The following CSMD1 variants were observed in gnomAD, a reference collection of about 807,000 sequenced individuals.
CSMD1 encodes the protein CUB and sushi domain-containing protein 1.
CSMD1 carries 213 observed loss-of-function variants against 417.5 expected under a neutral mutation model. That is an observed-to-expected ratio of 0.51 (90% CI 0.46 to 0.57). The LOEUF (loss-of-function observed/expected upper bound fraction) is 0.57. Among genes scored for constraint, CSMD1 ranks in the 20% least tolerant of loss-of-function variants. CSMD1 has a pLI of 0.00. For missense variants in CSMD1, 6,923 were observed against 4,529.7 expected (o/e 1.53, Z -15.17); for synonymous variants, 2,862 against 1,736.8 (o/e 1.65, Z -16.11).
chr8:4,463,418 T>A (rs954179988), intron 2 of CSMD1, among the ~76,000 whole-genome samples: 1 of 152,196 alleles, frequency 6.6e-6, no homozygotes, highest in Admixed American at 6.5e-5. Context: ...AATCCACAGC[T>A]AGTTCTATAC....
At chr8:3,349,764 A>C (rs2551041) in intron 21 of CSMD1, among the ~76,000 whole-genome samples, 1 of 143,366 alleles carries the variant, frequency 7.0e-6, no homozygotes, top group Non-Finnish European at 1.5e-5. Context: ...TTATAGCTAT[A>C]AAATAGATAT....
intron 5 of CSMD1, among the ~76,000 whole-genome samples, chr8:3,769,860 A>C (rs1206250392): frequency 1.3e-5 from 2 of 152,216 alleles, no homozygotes. Flanking sequence ...CTCCTAGAAG[A>C]AAAACGTATG....
chr8:4,046,555 A>T, intron 3 of CSMD1, among the ~76,000 whole-genome samples: 1 of 152,196 alleles, frequency 6.6e-6, no homozygotes, highest in East Asian at 1.9e-4. Flanking sequence ...ACATAGTATA[A>T]CTGTGGGCTT....
chr8:3,316,880 A>AT, intron 23 of CSMD1, among the ~76,000 whole-genome samples: 1 of 152,296 alleles, frequency 6.6e-6, no homozygotes, highest in Middle Eastern at 3.4e-3. Flanking sequence ...GCAATGTGCA[A>AT]TATGGACATG....
intron 6 of CSMD1, among the ~76,000 whole-genome samples, chr8:3,718,907 C>A (rs1024428928): frequency 5.3e-5 from 8 of 152,016 alleles, no homozygotes; most frequent in Non-Finnish European, 1.5e-5. Context: ...GTTTACACCA[C>A]CGGAGCCAAT....
chr8:3,829,763 A>G (rs553732796), intron 5 of CSMD1, among the ~76,000 whole-genome samples: 9 of 152,266 alleles, frequency 5.9e-5, no homozygotes, highest in Admixed American at 6.5e-5. Flanking sequence ...CAATTATGTG[A>G]TTTCTCCAAG....
At chr8:3,617,051 A>G (rs1216195802) in intron 7 of CSMD1, among the ~76,000 whole-genome samples, 2 of 152,212 alleles carry the variant, frequency 1.3e-5, no homozygotes, top group Admixed American at 1.3e-4. Context: ...TCAAAATTTA[A>G]TAAAAAATCT....
chr8:3,662,109 G>A (rs532528326), intron 7 of CSMD1, among the ~76,000 whole-genome samples: 6 of 152,126 alleles, frequency 3.9e-5, no homozygotes, highest in African/African-American at 1.2e-4. Flanking sequence ...AGGGACATTA[G>A]TGGAACACCA....
intron 5 of CSMD1, among the ~76,000 whole-genome samples, chr8:3,830,512 G>T (rs73172263): frequency 0.16 from 24,908 of 152,196 alleles, 2,622 homozygotes; most frequent in Middle Eastern, 0.24. Flanking sequence ...GAGTTGTGAA[G>T]ACTGTTATGT....
intron 3 of CSMD1, among the ~76,000 whole-genome samples, chr8:4,418,497 G>A (rs1424702608): frequency 6.6e-6 from 1 of 152,014 alleles, no homozygotes; most frequent in African/African-American, 2.4e-5. Context: ...CACCTTTTCA[G>A]CTATCAACTT....
At chr8:4,414,693 C>G (rs989857520) in intron 3 of CSMD1, among the ~76,000 whole-genome samples, 3 of 151,968 alleles carry the variant, frequency 2.0e-5, no homozygotes, top group African/African-American at 7.3e-5. Flanking sequence ...GTTTTTCTTT[C>G]AGGTTTTGAG....
intron 12 of CSMD1, among the ~76,000 whole-genome samples, chr8:3,468,180 A>G (rs749847806): frequency 1.3e-5 from 2 of 152,226 alleles, no homozygotes; most frequent in Non-Finnish European, 2.9e-5. Context: ...TCTTTTTCAC[A>G]GGAAATTCAT....
At chr8:3,304,598 T>TTTAATAGATGTATTTATA (rs1175436376) in intron 25 of CSMD1, among the ~76,000 whole-genome samples, 1 of 150,612 alleles carries the variant, frequency 6.6e-6, no homozygotes, top group Non-Finnish European at 1.5e-5. Context: ...ATGCTTTAAA[T>TTTAATAGATGTATTTATA]TTAATAGATG....
intron 3 of CSMD1, among the ~76,000 whole-genome samples, chr8:4,184,163 A>T (rs1001261602): frequency 1.3e-5 from 2 of 152,128 alleles, no homozygotes; most frequent in African/African-American, 4.8e-5. Flanking sequence ...TATGAAAGAA[A>T]AAGCAATGGA....
At chr8:4,173,452 C>A (rs1298118454) in intron 3 of CSMD1, among the ~76,000 whole-genome samples, 1 of 151,896 alleles carries the variant, frequency 6.6e-6, no homozygotes, top group Non-Finnish European at 1.5e-5. Flanking sequence ...GTTACTGAAG[C>A]ACAGAAGAAG....
At chr8:4,813,336 C>T (rs1175501456) in intron 1 of CSMD1, among the ~76,000 whole-genome samples, 4 of 151,914 alleles carry the variant, frequency 2.6e-5, no homozygotes, top group Non-Finnish European at 2.9e-5. Context: ...ATAAAATTTG[C>T]TAAGATTCTG....
chr8:3,212,015 A>G (rs1797640970), intron 30 of CSMD1, among the ~76,000 whole-genome samples: 2 of 152,120 alleles, frequency 1.3e-5, no homozygotes, highest in African/African-American at 4.8e-5. Context: ...ACCAAGTGAC[A>G]CCCACTTCTT....
intron 23 of CSMD1, among the ~76,000 whole-genome samples, chr8:3,329,036 A>G (rs558393347): frequency 1.9e-4 from 29 of 152,232 alleles, no homozygotes; most frequent in African/African-American, 7.0e-4. Context: ...AATTTACCTA[A>G]ATATGGAGGC....
At chr8:3,695,406 T>A (rs1165379600) in intron 7 of CSMD1, among the ~76,000 whole-genome samples, 1 of 149,252 alleles carries the variant, frequency 6.7e-6, no homozygotes, top group Non-Finnish European at 1.5e-5. Flanking sequence ...AACTCACTTT[T>A]ATTAGGTACA....
Sources: gnomAD v4.1 joint callset for allele counts (sites outside exome capture counted in the v4.1 genomes callset) on GRCh38, gnomAD v4.1.1 for gene constraint, MANE v1.5 for transcripts, NCBI Gene and HGNC (gene_info 2026-07-23, HGNC 2026-07-21) for gene names.